Variants in TRAF3IP1 observed in about 807,000 individuals in gnomAD.
TRAF3IP1 encodes intraflagellar transport 54, also known as TRAF3-interacting protein 1.
TRAF3IP1 carries 53 observed loss-of-function variants against 89.9 expected under a neutral mutation model. The observed-to-expected ratio is 0.59, with a 90% CI of 0.47 to 0.74. The LOEUF is 0.74. TRAF3IP1 is among the 30% of genes least tolerant of loss of function. The pLI is 0.00. For missense variants in TRAF3IP1, 806 were observed against 866.1 expected, an observed-to-expected ratio of 0.93 and a Z score of 0.87; for synonymous variants, 311 against 322.1, an observed-to-expected ratio of 0.97 and a Z score of 0.37.
intron 2 of TRAF3IP1, 98 bp from the exon 3 acceptor site, chr2:238,325,711 T>G: frequency 1.6e-6 from 2 of 1,227,276 alleles, no homozygotes; most frequent in Non-Finnish European, 2.3e-6. Context: ...CAGCTTTGTA[T>G]GTAAACAGAA....
intron 15 of TRAF3IP1, among the ~76,000 whole-genome samples, chr2:238,394,681 C>T (rs996394798): frequency 4.6e-5 from 7 of 152,150 alleles, no homozygotes; most frequent in African/African-American, 9.7e-5. Flanking sequence ...ATGAGTTTTA[C>T]GTTTTACTTA....
At position 238,331,199 on chromosome 2, in the gene TRAF3IP1, G is replaced by A. The variant is rs187683262; in HGVS notation, c.916-1625G>A. Among the ~76,000 whole-genome samples, 27 of 151,444 alleles carry A rather than the reference G, an allele frequency of 1.8e-4. No individual in the cohort carries two copies. In the East Asian group the frequency reaches 5.0e-3, roughly 28 times the overall value. On this transcript the variant is annotated intron_variant, in intron 5 of 16. Transcript: ENST00000373327. The stretch of plus-strand genomic sequence containing the variant: ...GGCTCGGCCGGGCATGGTGGCTCAC[G>A]CTTGTAATCCCAGCACTTTGGGAGG...
chr2:238,338,526 GTTA>G (rs1418538455), intron 8 of TRAF3IP1, 69 bp downstream of exon 8: 1 of 828,544 alleles, frequency 1.2e-6, no homozygotes, highest in African/African-American at 1.7e-5. Context: ...TCTCAATGTA[GTTA>G]TACATTGTTA....
At chr2:238,391,190 C>T (rs1700980321) in intron 15 of TRAF3IP1, among the ~76,000 whole-genome samples, 1 of 152,108 alleles carries the variant, frequency 6.6e-6, no homozygotes, top group Non-Finnish European at 1.5e-5. Flanking sequence ...TTTCTGGCCT[C>T]AAGTGATCTG....
chr2:238,397,123 CA>C, intron 15 of TRAF3IP1, among the ~76,000 whole-genome samples: 1 of 152,216 alleles, frequency 6.6e-6, no homozygotes, highest in East Asian at 1.9e-4. Context: ...ACAATAGCTA[CA>C]AAAGTTGCTT....
intron 15 of TRAF3IP1, among the ~76,000 whole-genome samples, chr2:238,357,764 C>T (rs1699485419): frequency 6.6e-6 from 1 of 152,198 alleles, no homozygotes; most frequent in South Asian, 2.1e-4. Context: ...CTGAATGTGT[C>T]CCTCCAGGCT....
chr2:238,395,562 C>T (rs1359023119), intron 15 of TRAF3IP1, among the ~76,000 whole-genome samples: 1 of 152,112 alleles, frequency 6.6e-6, no homozygotes, highest in Non-Finnish European at 1.5e-5. Flanking sequence ...AGCTTCTGCA[C>T]AGCAAAAGAA....
chr2:238,389,739 C>A (rs1700916748), intron 15 of TRAF3IP1, among the ~76,000 whole-genome samples: 1 of 131,430 alleles, frequency 7.6e-6, no homozygotes, highest in South Asian at 2.4e-4. Flanking sequence ...CAGAGTGAGA[C>A]TCCATCTCAA....
At chr2:238,342,988 G>A (rs1698727251) in intron 8 of TRAF3IP1, among the ~76,000 whole-genome samples, 1 of 152,056 alleles carries the variant, frequency 6.6e-6, no homozygotes, top group Non-Finnish European at 1.5e-5. Flanking sequence ...TTGTCTCTCA[G>A]TTTCTTTTTA....
At chr2:238,395,685 A>G (rs1407452665) in intron 15 of TRAF3IP1, among the ~76,000 whole-genome samples, 1 of 151,988 alleles carries the variant, frequency 6.6e-6, no homozygotes, top group Non-Finnish European at 1.5e-5. Flanking sequence ...CAAATTTACA[A>G]AAAAAAAACA....
At chr2:238,350,733 G>C (rs1417941556) in intron 12 of TRAF3IP1, among the ~76,000 whole-genome samples, 1 of 152,216 alleles carries the variant, frequency 6.6e-6, no homozygotes, top group African/African-American at 2.4e-5. Context: ...GCTGACAGCT[G>C]ACTTCAGGGC....
intron 15 of TRAF3IP1, among the ~76,000 whole-genome samples, chr2:238,365,179 T>C (rs891360631): frequency 3.3e-5 from 5 of 152,342 alleles, no homozygotes; most frequent in Admixed American, 1.3e-4. Flanking sequence ...AATTTCTTTT[T>C]TTGGTAGGTA....
intron 15 of TRAF3IP1, among the ~76,000 whole-genome samples, chr2:238,362,887 G>A (rs1699722402): frequency 6.6e-6 from 1 of 152,230 alleles, no homozygotes. Flanking sequence ...GCCGCACACA[G>A]TGGCGGGAAG....
At chr2:238,333,783 G>A (rs546916921) in intron 6 of TRAF3IP1, among the ~76,000 whole-genome samples, 177 bp from the exon 7 acceptor site, 2 of 152,278 alleles carry the variant, frequency 1.3e-5, no homozygotes, top group Non-Finnish European at 2.9e-5. Context: ...TTTGGCCTCC[G>A]TGTAATTCAC....
rs78407489 is a variant in TRAF3IP1, at chr2:238,361,832, T to G, written c.1689+5752T>G. Among the ~76,000 whole-genome samples the G allele has an allele frequency of 5.2e-3, 796 of 152,330 alleles. 4 individuals are homozygous for G. Among genetic ancestry groups the G allele is most frequent in the Non-Finnish European group, 8.4e-3 (573 of 68,030 alleles). ...GACCGGAATCGTATTGATCTTCGCTTGACTTGACTTTTACCACTAACTTCC... is the reference window on the plus strand; with the variant it reads ...GACCGGAATCGTATTGATCTTCGCTGGACTTGACTTTTACCACTAACTTCC... On this transcript the variant is annotated intron_variant, in intron 15 of 16. Transcript: ENST00000373327.
intron 14 of TRAF3IP1, among the ~76,000 whole-genome samples, chr2:238,354,531 T>C (rs1251717661): frequency 6.6e-6 from 1 of 152,254 alleles, no homozygotes; most frequent in East Asian, 1.9e-4. Context: ...GCTGTCCCCA[T>C]GCTTTATGAT....
chr2:238,328,954 G>A lies in TRAF3IP1; in HGVS notation c.527G>A (p.Arg176Lys). 3 of 1,550,932 alleles carry A rather than the reference G, an allele frequency of 1.9e-6. No individual in the cohort carries two copies. The highest frequency in any genetic ancestry group is 2.6e-6 in the Non-Finnish European group (3 of 1,149,994). ...AGAGGAGACGCTGAAATAAAAGAGA[G>A]AAGTACAAGCAGAGATCGAAAACAG... ...EDRGDAEIKE[R>K]STSRDRKQKE... Residue 176 changes from arginine (R) to lysine (K), a missense_variant, in exon 5 of 17, where the codon AGA (arginine) becomes AAA (lysine). Physicochemically the swap from Arg to Lys is conservative, Grantham distance 26 (BLOSUM62 2). Around this residue, in one of 3 missense-constraint regions of TRAF3IP1, gnomAD observed 732 missense variants for 780.5 expected, o/e 0.94. Transcript: ENST00000373327.
At chr2:238,363,350 TC>T in intron 15 of TRAF3IP1, among the ~76,000 whole-genome samples, 1 of 152,352 alleles carries the variant, frequency 6.6e-6, no homozygotes, top group South Asian at 2.1e-4. Flanking sequence ...ACTTCTAAAT[TC>T]CTTGAATATT....
intron 10 of TRAF3IP1, 82 bp downstream of exon 10, chr2:238,347,557 G>A: frequency 7.1e-7 from 1 of 1,406,870 alleles, no homozygotes; most frequent in South Asian, 1.2e-5. Flanking sequence ...TCAGATTCAT[G>A]CTTTATAAAG....
Sources: allele counts gnomAD v4.1 joint callset (sites outside exome capture counted in the v4.1 genomes callset), GRCh38; gene constraint gnomAD v4.1.1; regional missense constraint gnomAD v4.1.1; transcripts MANE v1.5; gene names NCBI Gene and HGNC (gene_info 2026-07-23, HGNC 2026-07-21).